Variants in AKAP6 observed in about 807,000 individuals in gnomAD.
AKAP6 encodes the protein A-kinase anchor protein 6.
A neutral mutation model predicts 188.5 loss-of-function variants in AKAP6; 58 were observed. The observed-to-expected ratio is 0.31, with a 90% confidence interval of 0.25 to 0.38. The LOEUF (loss-of-function observed/expected upper bound fraction) is 0.38, where lower values mean the gene tolerates loss of function less well. Ranked by LOEUF, AKAP6 falls within the 10% of genes least tolerant of loss-of-function variation. The pLI, the probability that AKAP6 is intolerant of heterozygous loss-of-function variation, is 1.00. For synonymous variants in AKAP6, 989 were observed against 998.6 expected (o/e 0.99, Z 0.18); for missense variants, 2,710 against 2,740.0 (o/e 0.99, Z 0.24).
At chr14:32,644,851 T>C (rs1160551416) in intron 7 of AKAP6, among the ~76,000 whole-genome samples, 1 of 152,158 alleles carries the variant, frequency 6.6e-6, no homozygotes, top group Non-Finnish European at 1.5e-5. Context: ...GATTACCCAA[T>C]AAAATTCCCT....
intron 7 of AKAP6, among the ~76,000 whole-genome samples, chr14:32,667,770 A>T (rs368423907): frequency 6.6e-6 from 1 of 152,238 alleles, no homozygotes; most frequent in East Asian, 1.9e-4. Flanking sequence ...TTCTGTTTTG[A>T]TAAATAAATT....
intron 1 of AKAP6, among the ~76,000 whole-genome samples, chr14:32,346,057 C>T (rs1013043714): frequency 1.3e-5 from 2 of 152,076 alleles, no homozygotes; most frequent in African/African-American, 4.8e-5. Context: ...ATATTTTCAT[C>T]ACACCCCAAA....
intron 12 of AKAP6, among the ~76,000 whole-genome samples, chr14:32,785,910 T>G (rs1286289578): frequency 7.2e-5 from 11 of 152,176 alleles, no homozygotes; most frequent in Admixed American, 5.9e-4. Flanking sequence ...AAAAAAAAAC[T>G]GGTGAAGACA....
intron 11 of AKAP6, among the ~76,000 whole-genome samples, chr14:32,759,609 C>G (rs747897048): frequency 3.9e-5 from 6 of 152,124 alleles, no homozygotes; most frequent in Non-Finnish European, 5.9e-5. Context: ...GCTCACAGTT[C>G]TGCAGGCTTC....
chr14:32,450,323 T>TGTGA (rs762371438), intron 2 of AKAP6, among the ~76,000 whole-genome samples: 1 of 151,094 alleles, frequency 6.6e-6, no homozygotes, highest in Non-Finnish European at 1.5e-5. Context: ...TGTGTGTGTG[T>TGTGA]GAGAGAGAGA....
chr14:32,597,847 C>A (rs1885768203), intron 5 of AKAP6, among the ~76,000 whole-genome samples: 1 of 152,180 alleles, frequency 6.6e-6, no homozygotes, highest in African/African-American at 2.4e-5. Flanking sequence ...ATCTGCATAT[C>A]TCTATCTCCT....
chr14:32,431,959 T>A (rs534863711), intron 1 of AKAP6, among the ~76,000 whole-genome samples: 1 of 152,340 alleles, frequency 6.6e-6, no homozygotes, highest in African/African-American at 2.4e-5. Context: ...TCTTTTTTAT[T>A]TCCACTCCTC....
At chr14:32,640,423 T>C (rs903547068) in intron 7 of AKAP6, among the ~76,000 whole-genome samples, 2 of 152,204 alleles carry the variant, frequency 1.3e-5, no homozygotes, top group Non-Finnish European at 2.9e-5. Flanking sequence ...GAATGAGTTC[T>C]GTTATTTCTT....
intron 12 of AKAP6, among the ~76,000 whole-genome samples, chr14:32,814,990 A>G (rs1262706957): frequency 6.6e-6 from 1 of 152,248 alleles, no homozygotes; most frequent in African/African-American, 2.4e-5. Context: ...ACCTGTCCTC[A>G]TGAAGTTTAT....
Position 32,568,280 on chromosome 14 carries a change from G to A in AKAP6, c.2347-8840G>A, listed in dbSNP as rs375104304. ...ACAGTAGTCCAGAGCTTAGACCCTG[G>A]AACAAAACTATTTAATAACCACTTA... is the stretch of plus-strand genomic sequence containing the variant. On this transcript the variant is annotated intron_variant, in intron 4 of 13. Transcript: ENST00000280979. The surrounding 1 kb of genome is among the most constrained non-coding windows in gnomAD (Gnocchi z 6.2). 2.0e-5 allele frequency among the ~76,000 whole-genome samples: 3 copies of A among 152,116 alleles called. No individual in the cohort carries two copies. Among genetic ancestry groups the A allele is most frequent in the Non-Finnish European group, 4.4e-5 (3 of 67,990 alleles).
intron 2 of AKAP6, among the ~76,000 whole-genome samples, chr14:32,465,596 G>A (rs1378214287): frequency 6.6e-6 from 1 of 152,126 alleles, no homozygotes. Flanking sequence ...ACTCAAGATG[G>A]ATTAAGATAT....
chr14:32,466,847 T>TATATATATATATATATATATA (rs1555331133), intron 2 of AKAP6, among the ~76,000 whole-genome samples: 5 of 77,840 alleles, frequency 6.4e-5, no homozygotes, highest in Non-Finnish European at 1.1e-4. Context: ...ATATATATAT[T>TATATATATATATATATATATA]TTCTTTCTTA....
intron 9 of AKAP6, among the ~76,000 whole-genome samples, chr14:32,705,365 A>C (rs1890771160): frequency 6.6e-6 from 1 of 152,176 alleles, no homozygotes; most frequent in African/African-American, 2.4e-5. Flanking sequence ...GAGAGTGGGT[A>C]GAGAGAAGAA....
chr14:32,790,989 G>A (rs1326881741), intron 12 of AKAP6, among the ~76,000 whole-genome samples: 4 of 152,112 alleles, frequency 2.6e-5, no homozygotes, highest in Non-Finnish European at 5.9e-5. Flanking sequence ...TGGTGTATAT[G>A]TGCCACATTT....
chr14:32,628,596 AT>A (rs1015384617), intron 7 of AKAP6, among the ~76,000 whole-genome samples: 4 of 151,784 alleles, frequency 2.6e-5, no homozygotes, highest in Non-Finnish European at 4.4e-5. Flanking sequence ...CTTTATTTTT[AT>A]TTTTTTTAAG....
intron 11 of AKAP6, among the ~76,000 whole-genome samples, chr14:32,756,084 G>T (rs1018996496): frequency 7.9e-5 from 12 of 152,204 alleles, no homozygotes; most frequent in Non-Finnish European, 1.6e-4. Context: ...TCAGCAGGTG[G>T]GTGGGCTTGG....
At chr14:32,732,322 G>A (rs2031213184) in intron 9 of AKAP6, 132 bp from the exon 10 acceptor site, 3 of 874,150 alleles carry the variant, frequency 3.4e-6, no homozygotes, top group East Asian at 5.3e-5. Flanking sequence ...AAGTACTTAG[G>A]TTTAGCCTCC....
rs1023898955 is a variant in AKAP6 at position 32,406,356 on chromosome 14, T to C, written c.-34-27104T>C. ...TCCCGAGTAGCTGGGATTACAGGCATGTGCCACTATGCCCAGCTAATTTTT... is the reference window on the plus strand; with the variant it reads ...TCCCGAGTAGCTGGGATTACAGGCACGTGCCACTATGCCCAGCTAATTTTT... On this transcript the variant is annotated intron_variant, in intron 1 of 13. Transcript: ENST00000280979. Among the ~76,000 whole-genome samples, 3 of 152,058 alleles carry C rather than the reference T, an allele frequency of 2.0e-5. No individual in the cohort carries two copies. In the East Asian group the frequency reaches 5.8e-4, roughly 29 times the overall value.
chr14:32,777,438 C>T (rs1451725620), intron 12 of AKAP6, among the ~76,000 whole-genome samples: 4 of 152,040 alleles, frequency 2.6e-5, no homozygotes, highest in Non-Finnish European at 1.5e-5. Flanking sequence ...ACCCGCATTC[C>T]ATATGTTCAA....
Sources: gnomAD v4.1 joint callset for allele counts (sites outside exome capture counted in the v4.1 genomes callset) on GRCh38, gnomAD v4.1.1 for gene constraint, Gnocchi (gnomAD v3.1) non-coding constraint, MANE v1.5 for transcripts, NCBI Gene and HGNC (gene_info 2026-07-23, HGNC 2026-07-21) for gene names.